The following LINGO2 variants were observed in gnomAD, a reference collection of about 807,000 sequenced individuals.
The protein encoded by LINGO2 is leucine rich repeat and Ig domain containing 2, also known as leucine-rich repeat and immunoglobulin-like domain-containing nogo receptor-interacting protein 2.
Under a neutral mutation model 30.6 loss-of-function variants are expected in LINGO2, and 14 were observed. The observed-to-expected ratio is 0.46, with a 90% CI of 0.30 to 0.72. The LOEUF is 0.72. Ranked by LOEUF, LINGO2 falls within the 30% of genes least tolerant of loss-of-function variation. The pLI is 0.07. For synonymous variants in LINGO2, 317 were observed against 288.5 expected, an observed-to-expected ratio of 1.10 and a Z score of -1.00; for missense variants, 729 against 751.7, an observed-to-expected ratio of 0.97 and a Z score of 0.35.
chr9:28,305,117 A>G (rs149777292), intron 3 of LINGO2, among the ~76,000 whole-genome samples: 387 of 152,168 alleles, frequency 2.5e-3, no homozygotes, highest in African/African-American at 8.8e-3. Context: ...TAAACTAAAA[A>G]ATAAAAACCA....
chr9:28,025,245 G>A (rs76075138), intron 4 of LINGO2, among the ~76,000 whole-genome samples: 13,898 of 152,172 alleles, frequency 0.091, 723 homozygotes, highest in South Asian at 0.19. Flanking sequence ...ATGCTGAGAA[G>A]ACCAAGACAA....
chr9:28,390,623 T>G (rs1297091800), intron 2 of LINGO2, among the ~76,000 whole-genome samples: 1 of 151,690 alleles, frequency 6.6e-6, no homozygotes, highest in Non-Finnish European at 1.5e-5. Context: ...ATCACAGCCC[T>G]TGTAGCCCTT....
intron 1 of LINGO2, among the ~76,000 whole-genome samples, chr9:28,572,302 A>C (rs992892358): frequency 6.6e-6 from 1 of 152,090 alleles, no homozygotes; most frequent in Admixed American, 6.6e-5. Flanking sequence ...ATCAAATGGA[A>C]TTGATTTATA....
the LINGO2 span, among the ~76,000 whole-genome samples, chr9:28,738,612 C>T: frequency 6.6e-6 from 1 of 151,924 alleles, no homozygotes; most frequent in Admixed American, 6.6e-5. Flanking sequence ...AAAGTACTCA[C>T]TACATAGCAA....
At chr9:28,191,146 G>T (rs559511803) in intron 4 of LINGO2, among the ~76,000 whole-genome samples, 7 of 152,280 alleles carry the variant, frequency 4.6e-5, no homozygotes, top group South Asian at 2.1e-4. Context: ...CATGAGAAAG[G>T]TCCCATGGTT....
the LINGO2 span, among the ~76,000 whole-genome samples, chr9:28,930,494 T>C: frequency 6.6e-6 from 1 of 152,210 alleles, no homozygotes; most frequent in Non-Finnish European, 1.5e-5. This position sits in a 1 kb window ranked among gnomAD's most constrained non-coding sequence, Gnocchi z 4.2. Flanking sequence ...TGACATTGAC[T>C]ATGTGATAAG....
At chr9:28,876,099 A>G in the LINGO2 span, among the ~76,000 whole-genome samples, 1 of 152,112 alleles carries the variant, frequency 6.6e-6, no homozygotes, top group Non-Finnish European at 1.5e-5. Flanking sequence ...CTATGGACTA[A>G]TATGGCAGTA....
chr9:28,820,146 AC>A, the LINGO2 span, among the ~76,000 whole-genome samples: 1 of 152,078 alleles, frequency 6.6e-6, no homozygotes, highest in Non-Finnish European at 1.5e-5. Flanking sequence ...AAACAGTGAA[AC>A]CAGTAAGTAA....
intron 1 of LINGO2, among the ~76,000 whole-genome samples, chr9:28,603,608 T>C (rs1053838845): frequency 3.9e-5 from 6 of 152,062 alleles, no homozygotes; most frequent in African/African-American, 1.4e-4. Context: ...CACCTGATTA[T>C]AAATCTTGCA....
chr9:28,507,353 A>C (rs1280713758), intron 1 of LINGO2, among the ~76,000 whole-genome samples: 1 of 152,116 alleles, frequency 6.6e-6, no homozygotes, highest in African/African-American at 2.4e-5. Context: ...TGTTAGAACC[A>C]CATAGCAATG....
intron 4 of LINGO2, among the ~76,000 whole-genome samples, chr9:28,203,529 T>C (rs1241449124): frequency 1.3e-5 from 2 of 152,078 alleles, no homozygotes; most frequent in African/African-American, 2.4e-5. Flanking sequence ...TTCTGAAAAT[T>C]AGTCATTGCT....
chr9:29,155,841 C>A, the LINGO2 span, among the ~76,000 whole-genome samples: 1 of 151,880 alleles, frequency 6.6e-6, no homozygotes, highest in East Asian at 1.9e-4. Flanking sequence ...ACAGTGCCAT[C>A]TCAAGAAAGC....
chr9:28,556,248 C>T (rs199529455), intron 1 of LINGO2, among the ~76,000 whole-genome samples: 1 of 151,708 alleles, frequency 6.6e-6, no homozygotes, highest in South Asian at 2.1e-4. Flanking sequence ...TAGAAAACCC[C>T]ATAGTCTCAG....
intron 5 of LINGO2, among the ~76,000 whole-genome samples, chr9:27,995,942 C>A (rs139295171): frequency 6.6e-6 from 1 of 151,896 alleles, no homozygotes; most frequent in African/African-American, 2.4e-5. Context: ...AATGATATGA[C>A]CTTACATTTA....
the LINGO2 span, among the ~76,000 whole-genome samples, chr9:29,119,577 C>CTTTTTTTTT: frequency 2.4e-5 from 2 of 82,510 alleles, no homozygotes; most frequent in African/African-American, 4.7e-5. Context: ...CAGTTGTCAT[C>CTTTTTTTTT]TTTTTTTTTT....
chr9:28,903,089 C>CT, the LINGO2 span, among the ~76,000 whole-genome samples: 14 of 149,700 alleles, frequency 9.4e-5, no homozygotes, highest in African/African-American at 1.7e-4. Context: ...AAAGGAAGAG[C>CT]TTTTTTTTTG....
chr9:28,167,118 G>C (rs1828449394), intron 4 of LINGO2, among the ~76,000 whole-genome samples: 1 of 150,356 alleles, frequency 6.7e-6, no homozygotes, highest in African/African-American at 2.5e-5. Flanking sequence ...GCAGATTCCT[G>C]GAGCTTTTAC....
intron 1 of LINGO2, among the ~76,000 whole-genome samples, chr9:28,526,788 T>A (rs1821055007): frequency 6.6e-6 from 1 of 152,202 alleles, no homozygotes; most frequent in African/African-American, 2.4e-5. Context: ...CCTTTCCAAC[T>A]AGGCTTATTT....
chr9:27,994,781 G>A (rs1255141225), intron 5 of LINGO2, among the ~76,000 whole-genome samples: 1 of 152,114 alleles, frequency 6.6e-6, no homozygotes, highest in African/African-American at 2.4e-5. Context: ...AGGTGGTGGG[G>A]AAAGAAGTAG....
Sources: gnomAD v4.1 joint callset for allele counts (sites outside exome capture counted in the v4.1 genomes callset) on GRCh38, gnomAD v4.1.1 for gene constraint, Gnocchi (gnomAD v3.1) non-coding constraint, MANE v1.5 for transcripts, NCBI Gene and HGNC (gene_info 2026-07-23, HGNC 2026-07-21) for gene names.